The following TRAPPC8 variants were observed in gnomAD, a reference collection of about 807,000 sequenced individuals.
TRAPPC8 encodes the protein trafficking protein particle complex subunit 8, also known as general sporulation gene 1 homolog.
Under a neutral mutation model 174.3 loss-of-function variants are expected in TRAPPC8, and 54 were observed. The observed-to-expected ratio is 0.31, with a 90% CI of 0.25 to 0.39. The LOEUF (loss-of-function observed/expected upper bound fraction) is 0.39, where lower values mean the gene tolerates loss of function less well. TRAPPC8 is among the 10% of genes least tolerant of loss of function. The probability of loss-of-function intolerance (pLI) is 1.00; values close to 1 mark genes in which losing one functional copy is unlikely to be tolerated. For missense variants in TRAPPC8, 1,531 were observed against 1,699.1 expected (o/e 0.90, Z 1.74); for synonymous variants, 630 against 579.9 (o/e 1.09, Z -1.24).
rs1053692703 is a variant in TRAPPC8, at chr18:31,830,384, G to A, written c.*371C>T. On this transcript the variant is annotated 3_prime_UTR_variant, in exon 29 of 29. Coordinates refer to ENST00000283351, the MANE Select transcript of TRAPPC8 (RefSeq NM_014939.5). The stretch of plus-strand genomic sequence containing the variant: ...GAATTTAGAGACTAATGGCTTAACA[G>A]GAGTACTGCCAACAAGGCCTTTCCT... 1.7e-5 allele frequency: 3 copies of A among 179,216 alleles called. No individual in the cohort carries two copies. Among genetic ancestry groups the A allele is most frequent in the African/African-American group, 7.1e-5 (3 of 42,064 alleles). 11.1% of individuals were successfully genotyped at this position (179,216 alleles called of 1,614,324 possible). A position where few individuals can be genotyped will look rare whatever the true frequency, so the allele number is the denominator to read the frequency against.
chr18:31,855,115 T>A lies in TRAPPC8; in HGVS notation c.3336+545A>T, dbSNP rs541212553. 2.5e-3 allele frequency among the ~76,000 whole-genome samples: 375 copies of A among 151,890 alleles called. 1 individual carries two copies. Among genetic ancestry groups the A allele is most frequent in the Admixed American group, 3.9e-3 (60 of 15,258 alleles). On this transcript the variant is annotated intron_variant, in intron 21 of 28. Transcript: ENST00000283351. ...TACTTGGGAGGCTGAGGCATGAGAA[T>A]CACTTGAACCCAGGAGGTGGAGGTT...
intron 2 of TRAPPC8, among the ~76,000 whole-genome samples, chr18:31,925,363 T>C (rs2037567973): frequency 6.6e-6 from 1 of 151,298 alleles, no homozygotes; most frequent in African/African-American, 2.4e-5. Flanking sequence ...AAGGAAAATC[T>C]AGAGAAGAAA....
chr18:31,939,883 C>A (rs2038256111), intron 1 of TRAPPC8: 1 of 152,496 alleles, frequency 6.6e-6, no homozygotes, highest in Non-Finnish European at 1.5e-5. Flanking sequence ...AAACAAAAAA[C>A]AAACAAACAA....
intron 11 of TRAPPC8, among the ~76,000 whole-genome samples, chr18:31,895,297 TA>T (rs1337623426): frequency 1.3e-5 from 2 of 152,198 alleles, no homozygotes; most frequent in Non-Finnish European, 2.9e-5. Flanking sequence ...GGTAAAGATT[TA>T]ACATAATTTA....
intron 26 of TRAPPC8, among the ~76,000 whole-genome samples, chr18:31,843,466 T>C (rs1377785988): frequency 6.6e-6 from 1 of 151,950 alleles, no homozygotes; most frequent in Non-Finnish European, 1.5e-5. Context: ...ATATTTATTC[T>C]TTATAAGGCA....
chr18:31,877,864 A>T (rs2035237468), intron 12 of TRAPPC8, among the ~76,000 whole-genome samples: 1 of 150,858 alleles, frequency 6.6e-6, no homozygotes, highest in Admixed American at 6.6e-5. Flanking sequence ...CAGAGATTGC[A>T]GTGAGCCGAG....
At chr18:31,894,028 C>T (rs2036082721) in intron 11 of TRAPPC8, among the ~76,000 whole-genome samples, 1 of 152,138 alleles carries the variant, frequency 6.6e-6, no homozygotes, top group Admixed American at 6.5e-5. Flanking sequence ...ATGAGAAACC[C>T]TTAGCATTCC....
At chr18:31,916,722 CG>C (rs1239126831) in intron 3 of TRAPPC8, among the ~76,000 whole-genome samples, 4 of 151,586 alleles carry the variant, frequency 2.6e-5, no homozygotes, top group Non-Finnish European at 5.9e-5. Flanking sequence ...TTTGTAAAGA[CG>C]GGGTTTCACC....
intron 1 of TRAPPC8, among the ~76,000 whole-genome samples, chr18:31,936,938 C>A (rs1362185119): frequency 3.6e-5 from 5 of 140,172 alleles, no homozygotes; most frequent in South Asian, 2.3e-4. Flanking sequence ...AGGAGCCAGG[C>A]GCGGTGGCTC....
At chr18:31,840,424 A>G (rs2033026907) in intron 26 of TRAPPC8, among the ~76,000 whole-genome samples, 1 of 152,128 alleles carries the variant, frequency 6.6e-6, no homozygotes, top group Admixed American at 6.5e-5. Context: ...AGAGAGAGAG[A>G]AAGATGAAAG....
chr18:31,915,500 G>A (rs928697071), intron 4 of TRAPPC8, among the ~76,000 whole-genome samples: 12 of 144,486 alleles, frequency 8.3e-5, no homozygotes, highest in Admixed American at 2.1e-4. Flanking sequence ...AGTGGCTCCC[G>A]CCTGTCATCC....
intron 1 of TRAPPC8, among the ~76,000 whole-genome samples, chr18:31,939,082 C>CAAAAAAA (rs397963630): frequency 7.3e-5 from 5 of 68,074 alleles, no homozygotes; most frequent in East Asian, 5.7e-4. Flanking sequence ...GACTCCGTCT[C>CAAAAAAA]AAAAAAAAAA....
At chr18:31,933,898 T>C (rs1311244372) in intron 1 of TRAPPC8, among the ~76,000 whole-genome samples, 1 of 152,064 alleles carries the variant, frequency 6.6e-6, no homozygotes, top group Non-Finnish European at 1.5e-5. Flanking sequence ...ACAAAAAGTA[T>C]ACATGCAGCC....
chr18:31,831,387 T>G (rs1036446743), intron 28 of TRAPPC8, among the ~76,000 whole-genome samples: 2 of 152,192 alleles, frequency 1.3e-5, no homozygotes, highest in African/African-American at 4.8e-5. Context: ...AACAATTCTA[T>G]TTCTAAAAAT....
chr18:31,863,727 G>C (rs1465155465), intron 19 of TRAPPC8, among the ~76,000 whole-genome samples: 1 of 152,058 alleles, frequency 6.6e-6, no homozygotes, highest in East Asian at 1.9e-4. Flanking sequence ...GATGTGGGAG[G>C]AAGGGCCTTT....
chr18:31,881,630 A>C (rs1008349196), intron 12 of TRAPPC8, among the ~76,000 whole-genome samples: 8 of 152,102 alleles, frequency 5.3e-5, no homozygotes, highest in African/African-American at 1.9e-4. Flanking sequence ...GCCAACAAAA[A>C]CAAAAATTGA....
chr18:31,928,114 C>A (rs2037696280), intron 2 of TRAPPC8, among the ~76,000 whole-genome samples: 1 of 151,210 alleles, frequency 6.6e-6, no homozygotes, highest in South Asian at 2.1e-4. Context: ...CAAGATCGTG[C>A]CACTACACTC....
chr18:31,894,861 A>G (rs1365094096), intron 11 of TRAPPC8, among the ~76,000 whole-genome samples: 2 of 152,226 alleles, frequency 1.3e-5, no homozygotes, highest in Admixed American at 6.5e-5. Flanking sequence ...CTGATTTTTC[A>G]TATTTAAAAT....
At chr18:31,941,099 G>A (rs1170477700) in intron 1 of TRAPPC8, among the ~76,000 whole-genome samples, 2 of 152,178 alleles carry the variant, frequency 1.3e-5, no homozygotes, top group African/African-American at 4.8e-5. Flanking sequence ...TAAGAAAGAA[G>A]GAAAGAGTAC....
Sources: allele counts gnomAD v4.1 joint callset (sites outside exome capture counted in the v4.1 genomes callset), GRCh38; gene constraint gnomAD v4.1.1; transcripts MANE v1.5; gene names NCBI Gene and HGNC (gene_info 2026-07-23, HGNC 2026-07-21).